Variants in CDH4 observed in about 807,000 individuals in gnomAD.
CDH4 encodes cadherin-4.
A neutral mutation model predicts 86.0 loss-of-function variants in CDH4; 33 were observed. The ratio of observed to expected loss-of-function variants is 0.38; its 90% CI spans 0.29 to 0.51. The LOEUF is 0.51. Ranked by LOEUF, CDH4 falls within the 20% of genes least tolerant of loss-of-function variation. CDH4 has a pLI of 0.86. For missense variants in CDH4, 1,114 were observed against 1,307.4 expected, an observed-to-expected ratio of 0.85 and a Z score of 2.28; for synonymous variants, 555 against 549.4, an observed-to-expected ratio of 1.01 and a Z score of -0.14.
At chr20:61,645,940 G>T (rs1355169009) in intron 2 of CDH4, among the ~76,000 whole-genome samples, 2 of 152,130 alleles carry the variant, frequency 1.3e-5, no homozygotes, top group African/African-American at 4.8e-5. Flanking sequence ...GAGGGTGGTG[G>T]ATAAGAGGGC....
intron 4 of CDH4, among the ~76,000 whole-genome samples, chr20:61,830,011 C>T (rs1981518605): frequency 1.3e-5 from 2 of 152,020 alleles, no homozygotes; most frequent in South Asian, 2.1e-4. Flanking sequence ...TATGGAAACC[C>T]TTGCAGGCCC....
At chr20:61,454,474 C>CT (rs1384123366) in intron 2 of CDH4, among the ~76,000 whole-genome samples, 1 of 152,086 alleles carries the variant, frequency 6.6e-6, no homozygotes, top group Non-Finnish European at 1.5e-5. Flanking sequence ...GAGACGGAGT[C>CT]TCACTCTGTC....
chr20:61,834,936 C>G (rs749380979), intron 4 of CDH4, among the ~76,000 whole-genome samples: 2 of 152,220 alleles, frequency 1.3e-5, no homozygotes, highest in Non-Finnish European at 2.9e-5. Context: ...TTCAGAGAGT[C>G]TCTCACTCTT....
intron 2 of CDH4, among the ~76,000 whole-genome samples, chr20:61,407,534 A>G (rs2085091084): frequency 6.6e-6 from 1 of 152,234 alleles, no homozygotes; most frequent in Non-Finnish European, 1.5e-5. Flanking sequence ...TTTAGAAAAG[A>G]CTTCGGCAGG....
At chr20:61,929,944 C>A in intron 13 of CDH4, 102 bp downstream of exon 13, 1 of 856,252 alleles carries the variant, frequency 1.2e-6, no homozygotes, top group Non-Finnish European at 1.9e-6. Context: ...CCCCTCAGCC[C>A]TCATCTCTCA....
At chr20:61,299,968 G>C (rs73319111) in intron 2 of CDH4, among the ~76,000 whole-genome samples, 1 of 152,182 alleles carries the variant, frequency 6.6e-6, no homozygotes, top group Non-Finnish European at 1.5e-5. Context: ...GTAGAGGGGG[G>C]ACCAGGTTTG....
intron 5 of CDH4, among the ~76,000 whole-genome samples, chr20:61,852,135 C>T (rs1003416216): frequency 4.6e-5 from 7 of 151,568 alleles, no homozygotes; most frequent in African/African-American, 1.7e-4. Flanking sequence ...ACGGATCCCC[C>T]CACCCCACCA....
chr20:61,562,970 C>T (rs1270025616), intron 2 of CDH4, among the ~76,000 whole-genome samples: 4 of 152,320 alleles, frequency 2.6e-5, no homozygotes, highest in East Asian at 1.9e-4. Context: ...CCCAGGAGCA[C>T]GGCTGGGTCC....
At chr20:61,780,167 A>C (rs1322816568) in intron 4 of CDH4, among the ~76,000 whole-genome samples, 1 of 152,206 alleles carries the variant, frequency 6.6e-6, no homozygotes, top group African/African-American at 2.4e-5. Context: ...AGCAAGCTCC[A>C]GTTGTGCTGG....
chr20:61,459,726 C>T (rs1413521226), intron 2 of CDH4, among the ~76,000 whole-genome samples: 5 of 151,880 alleles, frequency 3.3e-5, no homozygotes, highest in Admixed American at 6.6e-5. Context: ...CATGTCTCTT[C>T]CTGTGGTTGT....
At chr20:61,579,333 CTG>C (rs2145716673) in intron 2 of CDH4, among the ~76,000 whole-genome samples, 1 of 139,804 alleles carries the variant, frequency 7.2e-6, no homozygotes, top group East Asian at 2.1e-4. Flanking sequence ...GTTGCCCAGT[CTG>C]GAGTGCAGCG....
At chr20:61,383,548 T>TATATATG (rs1236683883) in intron 2 of CDH4, among the ~76,000 whole-genome samples, 1 of 86,034 alleles carries the variant, frequency 1.2e-5, no homozygotes, top group Non-Finnish European at 2.0e-5. Flanking sequence ...TATATATGAA[T>TATATATG]ATATATGATA....
chr20:61,885,119 A>G (rs1279669998), intron 7 of CDH4, among the ~76,000 whole-genome samples: 1 of 152,058 alleles, frequency 6.6e-6, no homozygotes, highest in African/African-American at 2.4e-5. Context: ...GGCAGCGGGG[A>G]CTGAAGTCGA....
intron 2 of CDH4, among the ~76,000 whole-genome samples, chr20:61,270,310 CCTT>C (rs1264094029): frequency 2.0e-5 from 3 of 152,170 alleles, no homozygotes; most frequent in Non-Finnish European, 4.4e-5. Flanking sequence ...TGAGGATAGG[CCTT>C]CTGCAGCCTG....
chr20:61,588,701 T>A (rs1446822544), intron 2 of CDH4, among the ~76,000 whole-genome samples: 1 of 152,150 alleles, frequency 6.6e-6, no homozygotes, highest in Non-Finnish European at 1.5e-5. Context: ...TATCTTTCAT[T>A]CATCATTCCT....
At chr20:61,515,120 A>G (rs1230557908) in intron 2 of CDH4, among the ~76,000 whole-genome samples, 1 of 152,262 alleles carries the variant, frequency 6.6e-6, no homozygotes, top group African/African-American at 2.4e-5. Context: ...TTTTTTGTTT[A>G]ATGCAAAATG....
chr20:61,442,609 G>A (rs1220779575), intron 2 of CDH4, among the ~76,000 whole-genome samples: 1 of 152,212 alleles, frequency 6.6e-6, no homozygotes, highest in African/African-American at 2.4e-5. Flanking sequence ...AGAAGGCTGC[G>A]TTACAGAGAC....
At chr20:61,664,613 C>T (rs1190288822) in intron 2 of CDH4, among the ~76,000 whole-genome samples, 1 of 152,214 alleles carries the variant, frequency 6.6e-6, no homozygotes, top group Non-Finnish European at 1.5e-5. Context: ...CCCCAAGACC[C>T]TCACACGAAC....
Position 61,480,421 on chromosome 20 carries a change from G to A in CDH4, c.169+225484G>A, listed in dbSNP as rs1014668864. Among the ~76,000 whole-genome samples the A allele has an allele frequency of 2.0e-5, 3 of 152,242 alleles. No homozygotes were observed. The highest frequency in any genetic ancestry group is 1.3e-4 in the Admixed American group (2 of 15,290). On this transcript the variant is annotated intron_variant, in intron 2 of 15. Transcript: ENST00000614565. This position sits in a 1 kb window ranked among gnomAD's most constrained non-coding sequence, Gnocchi z 5.2. Reference sequence around the variant, plus strand: ...GTGGTGGATACACAGTCCCTGCCACGCCATCTCTGGGAAGCCTCCTTTCCC... The same window carrying A: ...GTGGTGGATACACAGTCCCTGCCACACCATCTCTGGGAAGCCTCCTTTCCC...
Sources: gnomAD v4.1 joint callset for allele counts (sites outside exome capture counted in the v4.1 genomes callset) on GRCh38, gnomAD v4.1.1 for gene constraint, Gnocchi (gnomAD v3.1) non-coding constraint, MANE v1.5 for transcripts, NCBI Gene and HGNC (gene_info 2026-07-23, HGNC 2026-07-21) for gene names.